Variants in TNIK observed in about 807,000 individuals in gnomAD.
TNIK encodes the protein TRAF2 and NCK-interacting protein kinase.
In TNIK, 49 loss-of-function variants were observed where a neutral mutation model predicts 191.3. That is an observed-to-expected ratio of 0.26 (90% CI 0.20 to 0.32). The LOEUF (loss-of-function observed/expected upper bound fraction) is 0.32, where lower values mean the gene tolerates loss of function less well. Ranked by LOEUF, TNIK falls within the 10% of genes least tolerant of loss-of-function variation. The probability of loss-of-function intolerance (pLI) is 1.00; values close to 1 mark genes in which losing one functional copy is unlikely to be tolerated. For missense variants in TNIK, 1,155 were observed against 1,702.3 expected (o/e 0.68, Z 5.66); for synonymous variants, 594 against 600.9 (o/e 0.99, Z 0.17).
chr3:171,298,596 T>G (rs1752567289), intron 2 of TNIK, among the ~76,000 whole-genome samples: 1 of 152,148 alleles, frequency 6.6e-6, no homozygotes, highest in Non-Finnish European at 1.5e-5. Context: ...CTTATCATGG[T>G]GAACTGAGGG....
intron 2 of TNIK, among the ~76,000 whole-genome samples, chr3:171,324,667 G>A (rs1755542059): frequency 6.6e-6 from 1 of 152,052 alleles, no homozygotes; most frequent in African/African-American, 2.4e-5. Context: ...CATAGAAGAG[G>A]ACTGCAGGTA....
intron 20 of TNIK, 30 bp downstream of exon 20, chr3:171,108,035 T>C (rs1404460183): frequency 6.5e-7 from 1 of 1,550,182 alleles, no homozygotes; most frequent in African/African-American, 1.4e-5. Context: ...AAATTAAGAG[T>C]TCAAAACTCT....
At chr3:171,073,974 A>G (rs1719559164) in intron 28 of TNIK, among the ~76,000 whole-genome samples, 1 of 152,150 alleles carries the variant, frequency 6.6e-6, no homozygotes, top group Non-Finnish European at 1.5e-5. Flanking sequence ...AACTAAAAAT[A>G]GAACTACCAT....
chr3:171,438,089 C>G (rs1372655626), intron 1 of TNIK, among the ~76,000 whole-genome samples: 2 of 152,202 alleles, frequency 1.3e-5, no homozygotes, highest in African/African-American at 4.8e-5. Context: ...AAAAATTCAC[C>G]TGTGTCTCAT....
intron 9 of TNIK, among the ~76,000 whole-genome samples, chr3:171,172,656 A>C (rs749531760): frequency 4.6e-5 from 7 of 152,174 alleles, no homozygotes; most frequent in African/African-American, 7.2e-5. Flanking sequence ...GCTGGGATCG[A>C]AGTGTGAAAT....
At chr3:171,247,799 A>G (rs1441489791) in intron 2 of TNIK, among the ~76,000 whole-genome samples, 1 of 152,254 alleles carries the variant, frequency 6.6e-6, no homozygotes, top group Non-Finnish European at 1.5e-5. Flanking sequence ...TAAAGACTAA[A>G]AAGAGCTCAT....
At chr3:171,459,580 G>C (rs1047316157) in intron 1 of TNIK, among the ~76,000 whole-genome samples, 1 of 151,960 alleles carries the variant, frequency 6.6e-6, no homozygotes. Context: ...GCTGGAAAAC[G>C]TGAGGGGCCA....
chr3:171,168,366 G>A (rs865904062), intron 9 of TNIK, among the ~76,000 whole-genome samples: 3 of 152,308 alleles, frequency 2.0e-5, no homozygotes, highest in Admixed American at 6.5e-5. Context: ...GGGAGATACA[G>A]GAGTGGATCC....
chr3:171,070,808 A>G (rs1719090881), intron 29 of TNIK, among the ~76,000 whole-genome samples: 1 of 152,214 alleles, frequency 6.6e-6, no homozygotes, highest in South Asian at 2.1e-4. Flanking sequence ...TCATTCAGAA[A>G]GATTTATGAG....
intron 21 of TNIK, chr3:171,106,853 C>A: frequency 1.9e-6 from 1 of 516,266 alleles, no homozygotes; most frequent in Non-Finnish European, 3.9e-6. Context: ...GAGAGCCATT[C>A]CCTAGCAAGG....
chr3:171,426,098 A>G (rs1193195873), intron 1 of TNIK, among the ~76,000 whole-genome samples: 9 of 152,056 alleles, frequency 5.9e-5, no homozygotes, highest in Non-Finnish European at 1.0e-4. Context: ...ATAAAGACAC[A>G]TGCACACATA....
At chr3:171,342,424 G>A (rs1757629360) in intron 2 of TNIK, among the ~76,000 whole-genome samples, 1 of 152,192 alleles carries the variant, frequency 6.6e-6, no homozygotes, top group South Asian at 2.1e-4. Flanking sequence ...CAGGCTGGCA[G>A]AAAGGCTTTG....
chr3:171,317,334 C>T (rs2108320624), intron 2 of TNIK, among the ~76,000 whole-genome samples: 1 of 152,264 alleles, frequency 6.6e-6, no homozygotes, highest in East Asian at 1.9e-4. Context: ...TCACTCATCA[C>T]AGGCATCTGG....
intron 2 of TNIK, among the ~76,000 whole-genome samples, chr3:171,333,580 GAAAGAA>G (rs1756632084): frequency 3.7e-5 from 1 of 26,676 alleles, no homozygotes; most frequent in African/African-American, 2.0e-4. Flanking sequence ...GTCTCAAAAA[GAAAGAA>G]AAAAAAAAAA....
chr3:171,332,414 C>A (rs1246653441), intron 2 of TNIK, among the ~76,000 whole-genome samples: 1 of 152,184 alleles, frequency 6.6e-6, no homozygotes, highest in East Asian at 1.9e-4. Context: ...TAGGCATAGC[C>A]AAACTTCTTT....
At chr3:171,171,008 C>T (rs867841582) in intron 9 of TNIK, among the ~76,000 whole-genome samples, 24 of 152,150 alleles carry the variant, frequency 1.6e-4, no homozygotes, top group Middle Eastern at 3.4e-3. Flanking sequence ...GCTATGATTG[C>T]ACCACTGTAC....
chr3:171,368,038 T>C (rs957306550), intron 2 of TNIK, among the ~76,000 whole-genome samples: 2 of 152,204 alleles, frequency 1.3e-5, no homozygotes, highest in Non-Finnish European at 2.9e-5. Flanking sequence ...ATCTGAGACC[T>C]CTTGCCATTT....
intron 2 of TNIK, among the ~76,000 whole-genome samples, chr3:171,358,583 C>T (rs1049203402): frequency 3.9e-5 from 6 of 152,160 alleles, no homozygotes; most frequent in Admixed American, 1.3e-4. Context: ...AGAAAACATA[C>T]ACAATATTCT....
intron 2 of TNIK, among the ~76,000 whole-genome samples, chr3:171,302,135 A>G (rs1752956712): frequency 1.3e-5 from 2 of 152,168 alleles, no homozygotes. Context: ...GAAAAACAGC[A>G]GCTGACTGAG....
Sources: gnomAD v4.1 joint callset for allele counts (sites outside exome capture counted in the v4.1 genomes callset) on GRCh38, gnomAD v4.1.1 for gene constraint, MANE v1.5 for transcripts, NCBI Gene and HGNC (gene_info 2026-07-23, HGNC 2026-07-21) for gene names.